Variants in MFSD12 observed in about 807,000 individuals in gnomAD.
The protein encoded by MFSD12 is major facilitator superfamily domain-containing protein 12.
In MFSD12, 67 loss-of-function variants were observed where a neutral mutation model predicts 51.2. That is an observed-to-expected ratio of 1.31 (90% CI 1.08 to 1.60). MFSD12 has a LOEUF of 1.60. Ranked by LOEUF, MFSD12 falls within the 40% of genes most tolerant of loss-of-function variation. The probability of loss-of-function intolerance (pLI) is 0.00; values close to 1 mark genes in which losing one functional copy is unlikely to be tolerated. For missense variants in MFSD12, 921 were observed against 673.0 expected (o/e 1.37, Z -4.08); for synonymous variants, 441 against 316.7 (o/e 1.39, Z -4.17).
rs571088979 is a variant in MFSD12 at position 3,554,535 on chromosome 19, G to A, written c.298+2571C>T. The stretch of plus-strand genomic sequence containing the variant: ...CATGTGTGGCACCAGCAAAAGCTCC[G>A]TCTATTCTGAACCACTTCCTGCTTC... On this transcript the variant is annotated intron_variant, in intron 1 of 9. Coordinates refer to ENST00000355415, the MANE Select transcript of MFSD12 (RefSeq NM_174983.5). Among the ~76,000 whole-genome samples the A allele has an allele frequency of 9.6e-4, 146 of 151,912 alleles. 1 individual carries two copies. Among genetic ancestry groups the A allele is most frequent in the Non-Finnish European group, 1.7e-3 (118 of 68,008 alleles).
Position 3,544,681 on chromosome 19 carries a change from C to G in MFSD12, c.*29G>C. 1 of 1,582,372 alleles carries G rather than the reference C, an allele frequency of 6.3e-7. No homozygotes were observed. The highest frequency in any genetic ancestry group is 8.6e-7 in the Non-Finnish European group (1 of 1,161,992). On this transcript the variant is annotated 3_prime_UTR_variant, in exon 10 of 10. Coordinates refer to ENST00000355415, the MANE Select transcript of MFSD12 (RefSeq NM_174983.5). The stretch of plus-strand genomic sequence containing the variant: ...CATCCTCGTGCGTCCCCACAGTTCC[C>G]TTGCACAGGTGCAGGAGGCTGTCAG...
rs1299983247 is a variant in MFSD12 at position 3,551,459 on chromosome 19, GC to G, written c.299-266del. Reference sequence around the variant, plus strand: ...GGCGCAGGGGGTCCCCCGGAAACCTGCCCCCCACAGGTGCCCCGGTTACAGC... The same window carrying G: ...GGCGCAGGGGGTCCCCCGGAAACCTGCCCCCACAGGTGCCCCGGTTACAGC... On this transcript the variant is annotated intron_variant, in intron 1 of 9. Transcript: ENST00000355415. The surrounding 1 kb of genome is among the most constrained non-coding windows in gnomAD (Gnocchi z 4.6). Among the ~76,000 whole-genome samples the G allele has an allele frequency of 6.6e-6, 1 of 152,112 alleles. No individual in the cohort carries two copies. Among genetic ancestry groups the G allele is most frequent in the Non-Finnish European group, 1.5e-5 (1 of 67,994 alleles).
chr19:3,545,939 C>T, intron 8 of MFSD12, 135 bp downstream of exon 8: 1 of 850,050 alleles, frequency 1.2e-6, no homozygotes, highest in Non-Finnish European at 1.9e-6. Flanking sequence ...GTCTCCCCTG[C>T]CTATGACTCC....
At chr19:3,548,857 C>T (rs1046824392) in intron 2 of MFSD12, among the ~76,000 whole-genome samples, 1 of 152,224 alleles carries the variant, frequency 6.6e-6, no homozygotes, top group Non-Finnish European at 1.5e-5. Context: ...GGGCCCTGGG[C>T]ATTGGGCAAC....
At position 3,548,758 on chromosome 19, in the gene MFSD12, G is replaced by A. The variant is rs561473568; in HGVS notation, c.510-491C>T. ...AGCGGGAACCATGCCACCTCCAGAG[G>A]CCACGTGAGCACAGCAGGAGGTCAG... On this transcript the variant is annotated intron_variant, in intron 2 of 9. Coordinates refer to ENST00000355415, the MANE Select transcript of MFSD12 (RefSeq NM_174983.5). 3.9e-5 allele frequency among the ~76,000 whole-genome samples: 6 copies of A among 152,310 alleles called. No individual in the cohort carries two copies. In the East Asian group the frequency reaches 7.7e-4, roughly 20 times the overall value.
chr19:3,539,778 T>C (rs1377979263), downstream of MFSD12: 1 of 155,954 alleles, frequency 6.4e-6, no homozygotes, highest in East Asian at 1.9e-4. Flanking sequence ...TAGCTGCATC[T>C]GCTAAAACCA....
At chr19:3,549,510 G>A (rs1286902834) in intron 2 of MFSD12, among the ~76,000 whole-genome samples, 1 of 152,002 alleles carries the variant, frequency 6.6e-6, no homozygotes, top group Non-Finnish European at 1.5e-5. Flanking sequence ...GATCACTGAG[G>A]TCAGGAGTTC....
In MFSD12 at chr19:3,546,348, GGCCACACCCAGTCCCTCCGCCA is replaced by G. The variant is rs781593152; in HGVS notation, c.1079_1100del (p.Leu360ProfsTer23). The G allele has an allele frequency of 6.2e-6, 10 of 1,607,778 alleles. No homozygotes were observed. The highest frequency in any genetic ancestry group is 8.5e-6 in the Non-Finnish European group (10 of 1,178,014). ...CCAGCAGCACAGCCGCTGCGTACAC[GGCCACACCCAGTCCCTCCGCCA>G]GCGCCACCCAGGCGGCAAAGGCCAG... is the stretch of plus-strand genomic sequence containing the variant. On this transcript the variant is annotated frameshift_variant, in exon 7 of 10. Coordinates refer to ENST00000355415, the MANE Select transcript of MFSD12 (RefSeq NM_174983.5). LOFTEE classifies it high-confidence loss of function.
rs750603047 is a variant in MFSD12 at position 3,548,001 on chromosome 19, G to A, written c.684C>T (p.Gly228=). 30 of 1,598,790 alleles carry A rather than the reference G, an allele frequency of 1.9e-5. No homozygotes were observed. Among genetic ancestry groups the A allele is most frequent in the South Asian group, 1.4e-4 (13 of 91,034 alleles). The change falls in exon 4 of 10, where the codon GGC becomes GGT. Residue 228 remains glycine (G), a synonymous_variant. Coordinates refer to ENST00000355415, the MANE Select transcript of MFSD12 (RefSeq NM_174983.5). The part of the protein sequence containing the change: ...RNLSLLVVGV[G]AVFSLLFHLG... ...GGTGGAATAGCAGTGAGAACACGGCGCCGACACCCACCACCAGCAGGGACA... is the reference window on the plus strand; with the variant it reads ...GGTGGAATAGCAGTGAGAACACGGCACCGACACCCACCACCAGCAGGGACA...
chr19:3,550,318 G>A (rs927746155), intron 2 of MFSD12, among the ~76,000 whole-genome samples: 12 of 152,158 alleles, frequency 7.9e-5, no homozygotes, highest in African/African-American at 2.7e-4. Context: ...GGAGGCCAAG[G>A]CAGGAGGATC....
intron 1 of MFSD12, among the ~76,000 whole-genome samples, chr19:3,553,301 TCA>T (rs780478705): frequency 1.8e-4 from 27 of 152,020 alleles, no homozygotes; most frequent in Non-Finnish European, 3.8e-4. Flanking sequence ...TCTCTAGGCC[TCA>T]GTTTTCAGAA....
rs957129702 is a variant in MFSD12, at chr19:3,544,939, G to C, written c.1290C>G (p.Pro430=). Reference sequence around the variant, plus strand: ...CGCAGGCCCTGCAGCAGAGCTCTGAGCTGTGGGAGGAGGCGGGGGATGAGT... The same window carrying C: ...CGCAGGCCCTGCAGCAGAGCTCTGACCTGTGGGAGGAGGCGGGGGATGAGT... ...VMAIQSLHPC[P]SELCCRACVS... Residue 430 remains proline, a splice_region_variant and synonymous_variant, in exon 9 of 10, where the codon CCC becomes CCG. Transcript: ENST00000355415. The C allele has an allele frequency of 1.0e-5, 16 of 1,605,814 alleles. No individual in the cohort carries two copies. The Admixed American group carries it at 1.0e-4, about 10-fold the overall frequency.
Position 3,547,622 on chromosome 19 carries a change from G to A in MFSD12, c.838-75C>T, listed in dbSNP as rs2031184118. On this transcript the variant is annotated intron_variant, in intron 4 of 9. Coordinates refer to ENST00000355415, the MANE Select transcript of MFSD12 (RefSeq NM_174983.5). ...CACTCCCACCAGCAGGGGGCACCGG[G>A]GCCAGGGTGGGCGCCCTGCAGCTGG... 32 of 1,355,714 alleles carry A rather than the reference G, an allele frequency of 2.4e-5. No homozygotes were observed. In the Middle Eastern group the frequency reaches 6.7e-4, roughly 28 times the overall value. 84.0% of individuals were successfully genotyped at this position (1,355,714 alleles called of 1,614,324 possible).
chr19:3,541,903 G>A (rs1343864377), downstream of MFSD12: 1 of 676,858 alleles, frequency 1.5e-6, no homozygotes, highest in Non-Finnish European at 1.8e-6. Flanking sequence ...CCGCCTCCCG[G>A]GTTCAAGCTA....
chr19:3,546,021 C>T (rs1157280373), intron 8 of MFSD12, 53 bp downstream of exon 8: 1 of 1,586,738 alleles, frequency 6.3e-7, no homozygotes, highest in Non-Finnish European at 8.6e-7. Context: ...ACAGCAGGCG[C>T]TTAATCCCCT....
chr19:3,552,450 G>A (rs2031524282), intron 1 of MFSD12, among the ~76,000 whole-genome samples: 2 of 141,350 alleles, frequency 1.4e-5, no homozygotes, highest in Non-Finnish European at 1.5e-5. Flanking sequence ...TTACAGGCGT[G>A]AGCCACCGCG....
chr19:3,551,288 G>A lies in MFSD12; in HGVS notation c.299-94C>T, dbSNP rs2145210614. ...GGAGGGAGGAGAGAGGGAAACTGAG[G>A]CACAGATGGAGACGCCCCCCGCATG... On this transcript the variant is annotated intron_variant, in intron 1 of 9. Transcript: ENST00000355415. The surrounding 1 kb of genome is among the most constrained non-coding windows in gnomAD (Gnocchi z 4.6). 2.0e-6 allele frequency: 2 copies of A among 1,025,598 alleles called. No individual in the cohort carries two copies. The highest frequency in any genetic ancestry group is 2.6e-5 in the East Asian group (1 of 37,994). The allele number at this position is 1,025,598 out of a possible 1,614,324, so 63.5% of individuals were successfully genotyped here.
intron 2 of MFSD12, among the ~76,000 whole-genome samples, chr19:3,550,410 G>C (rs80061268): frequency 2.8e-5 from 4 of 142,908 alleles, no homozygotes; most frequent in Non-Finnish European, 6.1e-5. Flanking sequence ...TTTTTTTTTT[G>C]AGACGGAATC....
At chr19:3,545,420 A>C (rs771568344) in intron 8 of MFSD12, among the ~76,000 whole-genome samples, 68 of 150,906 alleles carry the variant, frequency 4.5e-4, no homozygotes, top group Non-Finnish European at 6.2e-4. Context: ...TACTCCAGCC[A>C]CACAGGCCTC....
Sources: gnomAD v4.1 joint callset for allele counts (sites outside exome capture counted in the v4.1 genomes callset) on GRCh38, gnomAD v4.1.1 for gene constraint, Gnocchi (gnomAD v3.1) non-coding constraint, MANE v1.5 for transcripts, NCBI Gene and HGNC (gene_info 2026-07-23, HGNC 2026-07-21) for gene names.